Variants in ATP9A observed in about 807,000 individuals in gnomAD.
The protein encoded by ATP9A is ATPase phospholipid transporting 9A.
Under a neutral mutation model 144.1 loss-of-function variants are expected in ATP9A, and 52 were observed. That is an observed-to-expected ratio of 0.36 (90% CI 0.29 to 0.45). The LOEUF (loss-of-function observed/expected upper bound fraction) is 0.45, where lower values mean the gene tolerates loss of function less well. ATP9A is among the 20% of genes least tolerant of loss of function. ATP9A has a pLI of 1.00. For missense variants in ATP9A, 947 were observed against 1,392.7 expected, an observed-to-expected ratio of 0.68 and a Z score of 5.09; for synonymous variants, 582 against 557.4, an observed-to-expected ratio of 1.04 and a Z score of -0.62.
intron 4 of ATP9A, among the ~76,000 whole-genome samples, chr20:51,712,286 G>A (rs969168242): frequency 3.9e-5 from 6 of 152,078 alleles, no homozygotes; most frequent in African/African-American, 1.2e-4. Context: ...ATGTTAGCCA[G>A]GATGGTCTCG....
intron 4 of ATP9A, among the ~76,000 whole-genome samples, chr20:51,700,001 C>T (rs1392117163): frequency 6.6e-6 from 1 of 152,128 alleles, no homozygotes; most frequent in Non-Finnish European, 1.5e-5. Context: ...AACCCTCGAT[C>T]GCTGGTAAGA....
intron 22 of ATP9A, among the ~76,000 whole-genome samples, chr20:51,614,295 A>G (rs1317704177): frequency 2.0e-5 from 3 of 152,052 alleles, no homozygotes; most frequent in African/African-American, 7.2e-5. Flanking sequence ...CTCATTTTGT[A>G]TTTTTTAATT....
At chr20:51,617,651 G>A (rs936464371) in intron 21 of ATP9A, 97 bp from the exon 22 acceptor site, 16 of 1,379,432 alleles carry the variant, frequency 1.2e-5, no homozygotes, top group African/African-American at 7.2e-5. Context: ...TTCACGGAGC[G>A]CTTGCTGAGT....
chr20:51,729,817 T>A lies in ATP9A; in HGVS notation c.213+17A>T, dbSNP rs1301777751. The A allele has an allele frequency of 1.3e-6, 2 of 1,556,254 alleles. No individual in the cohort carries two copies. Among genetic ancestry groups the A allele is most frequent in the Non-Finnish European group, 1.7e-6 (2 of 1,156,058 alleles). On this transcript the variant is annotated intron_variant, in intron 2 of 27. Transcript: ENST00000338821. ...TGATGGAAAAAAGAAAAGAGCACGG[T>A]CCCTGCCTGCACGTACCCCAGGAAG...
Position 51,751,644 on chromosome 20 carries a change from A to G in ATP9A, c.68+16658T>C, listed in dbSNP as rs554182643. On this transcript the variant is annotated intron_variant, in intron 1 of 27. Coordinates refer to ENST00000338821, the MANE Select transcript of ATP9A (RefSeq NM_006045.3). ...CTCGCTCTCCCCAGGCTGGAGTGCA[A>G]TGGCGCAATCTCGGCTCACTGCAAG... Among the ~76,000 whole-genome samples, 12 of 151,138 alleles carry G rather than the reference A, an allele frequency of 7.9e-5. No homozygotes were observed. In the East Asian group the frequency reaches 1.2e-3, roughly 15 times the overall value.
intron 4 of ATP9A, among the ~76,000 whole-genome samples, chr20:51,708,848 C>T (rs945838261): frequency 3.3e-5 from 5 of 152,122 alleles, no homozygotes; most frequent in African/African-American, 9.7e-5. Context: ...CTGTCCTCTT[C>T]GAAATGTCAA....
At chr20:51,647,475 C>A (rs1176959493) in intron 14 of ATP9A, among the ~76,000 whole-genome samples, 2 of 152,104 alleles carry the variant, frequency 1.3e-5, no homozygotes, top group Non-Finnish European at 2.9e-5. Flanking sequence ...CCCTTAAACC[C>A]GGGAGGCGGA....
chr20:51,681,874 G>A (rs961716120), intron 9 of ATP9A, among the ~76,000 whole-genome samples: 1 of 152,198 alleles, frequency 6.6e-6, no homozygotes, highest in Non-Finnish European at 1.5e-5. Context: ...AAGGAGAGAA[G>A]AAAATCACCA....
At chr20:51,763,367 C>T (rs1405353922) in intron 1 of ATP9A, among the ~76,000 whole-genome samples, 1 of 149,024 alleles carries the variant, frequency 6.7e-6, no homozygotes, top group Non-Finnish European at 1.5e-5. Context: ...GGCTACAGTG[C>T]AGTGGCGCGA....
intron 1 of ATP9A, 57 bp from the exon 2 acceptor site, chr20:51,730,035 T>C: frequency 7.1e-7 from 1 of 1,405,452 alleles, no homozygotes. Context: ...GCTGTGCTCA[T>C]GTCTGCCCAC....
intron 19 of ATP9A, among the ~76,000 whole-genome samples, chr20:51,619,407 T>C (rs866681832): frequency 2.0e-5 from 3 of 151,588 alleles, no homozygotes; most frequent in Middle Eastern, 3.4e-3. Context: ...CTACTAAAAA[T>C]AGAAAATTAG....
At chr20:51,749,033 G>A (rs892095370) in intron 1 of ATP9A, among the ~76,000 whole-genome samples, 10 of 151,980 alleles carry the variant, frequency 6.6e-5, no homozygotes, top group Non-Finnish European at 1.5e-4. Flanking sequence ...ACAAACTACA[G>A]TACTATTCAA....
intron 14 of ATP9A, among the ~76,000 whole-genome samples, chr20:51,641,866 G>A (rs1351359397): frequency 7.3e-6 from 1 of 137,244 alleles, no homozygotes; most frequent in Non-Finnish European, 1.6e-5. Context: ...AACACTTCCA[G>A]TGGAGGTGAT....
At chr20:51,722,899 G>T (rs1035600247) in intron 3 of ATP9A, among the ~76,000 whole-genome samples, 80 of 152,288 alleles carry the variant, frequency 5.3e-4, no homozygotes, top group African/African-American at 1.8e-3. Flanking sequence ...CGTTTATAGT[G>T]GCACAATTCA....
At chr20:51,745,388 T>C (rs1196516609) in intron 1 of ATP9A, among the ~76,000 whole-genome samples, 2 of 151,526 alleles carry the variant, frequency 1.3e-5, no homozygotes, top group Non-Finnish European at 2.9e-5. Context: ...TGAGCCAATA[T>C]TCTGCCACTG....
At chr20:51,732,858 AG>A (rs2077747905) in intron 1 of ATP9A, among the ~76,000 whole-genome samples, 1 of 152,028 alleles carries the variant, frequency 6.6e-6, no homozygotes, top group Admixed American at 6.6e-5. Context: ...AGAGGAGCGA[AG>A]GAAGATTCAT....
At chr20:51,718,180 C>T (rs1172060735) in intron 3 of ATP9A, among the ~76,000 whole-genome samples, 3 of 152,032 alleles carry the variant, frequency 2.0e-5, no homozygotes, top group Non-Finnish European at 4.4e-5. Flanking sequence ...TGGCTGCCTT[C>T]GAGGACACCT....
chr20:51,622,014 G>C (rs2122724656), intron 19 of ATP9A, 60 bp downstream of exon 19: 2 of 1,454,254 alleles, frequency 1.4e-6, no homozygotes, highest in South Asian at 1.2e-5. Context: ...TCAAGGTTAG[G>C]AGGTTATAGG....
intron 1 of ATP9A, chr20:51,734,952 C>G: frequency 4.8e-6 from 1 of 207,594 alleles, no homozygotes; most frequent in Admixed American, 4.6e-5. Flanking sequence ...TGCTAAGGGT[C>G]TTAGGCTGTG....
Sources: allele counts gnomAD v4.1 joint callset (sites outside exome capture counted in the v4.1 genomes callset), GRCh38; gene constraint gnomAD v4.1.1; transcripts MANE v1.5; gene names NCBI Gene and HGNC (gene_info 2026-07-23, HGNC 2026-07-21).